The following SEMA3A variants were observed in gnomAD, a reference collection of about 807,000 sequenced individuals.
The protein encoded by SEMA3A is semaphorin-3A.
Under a neutral mutation model 97.9 loss-of-function variants are expected in SEMA3A, and 29 were observed. The observed-to-expected ratio is 0.30, with a 90% CI of 0.22 to 0.40. The LOEUF (loss-of-function observed/expected upper bound fraction) is 0.40, where lower values mean the gene tolerates loss of function less well. Among genes scored for constraint, SEMA3A ranks in the 10% least tolerant of loss-of-function variants. The probability of loss-of-function intolerance (pLI) is 1.00; values close to 1 mark genes in which losing one functional copy is unlikely to be tolerated. For synonymous variants in SEMA3A, 321 were observed against 323.7 expected (o/e 0.99, Z 0.09); for missense variants, 763 against 951.3 (o/e 0.80, Z 2.60).
intron 1 of SEMA3A, among the ~76,000 whole-genome samples, chr7:84,403,730 G>C (rs1006949572): frequency 1.3e-5 from 2 of 152,132 alleles, no homozygotes; most frequent in Admixed American, 6.5e-5. Context: ...AACATTTGCG[G>C]TTCACCAATA....
chr7:84,325,337 G>C (rs928346899), intron 2 of SEMA3A, among the ~76,000 whole-genome samples: 1 of 151,960 alleles, frequency 6.6e-6, no homozygotes, highest in East Asian at 1.9e-4. Context: ...AAATACTACC[G>C]AAGTGAGGCA....
Position 84,382,702 on chromosome 7 carries a change from CAAAAAAAAAAAA to C in SEMA3A, c.-245-10814_-245-10803del, listed in dbSNP as rs377120252. 3.8e-4 allele frequency among the ~76,000 whole-genome samples: 31 copies of C among 82,064 alleles called. 1 individual carries two copies. In the Admixed American group the frequency reaches 4.2e-3, roughly 11 times the overall value. The allele number at this position is 82,064 out of a possible 152,430, so 53.8% of individuals were successfully genotyped here. ...TGAAACCCTGTCTCTACTAAAAATC[CAAAAAAAAAAAA>C]AAAAAAAAAAAAAAATAGCCAGGCG... On this transcript the variant is annotated intron_variant, in intron 1 of 3. Transcript: ENST00000424555.
intron 1 of SEMA3A, among the ~76,000 whole-genome samples, chr7:84,439,122 T>C (rs1195885426): frequency 6.6e-6 from 1 of 151,884 alleles, no homozygotes; most frequent in African/African-American, 2.4e-5. Context: ...TAATACACAT[T>C]AACTACCTGT....
chr7:84,033,101 T>G (rs2116469162), intron 6 of SEMA3A, among the ~76,000 whole-genome samples: 1 of 152,278 alleles, frequency 6.6e-6, no homozygotes, highest in East Asian at 1.9e-4. Flanking sequence ...AACTATTTAT[T>G]ATTTAAAATA....
At chr7:84,096,313 A>G (rs935459787) in intron 4 of SEMA3A, among the ~76,000 whole-genome samples, 1 of 152,114 alleles carries the variant, frequency 6.6e-6, no homozygotes, top group Admixed American at 6.6e-5. Context: ...GATAGGAACT[A>G]GAGAAGCTGT....
intron 2 of SEMA3A, among the ~76,000 whole-genome samples, chr7:84,131,927 C>A (rs1795973887): frequency 1.3e-5 from 2 of 152,100 alleles, no homozygotes; most frequent in South Asian, 4.1e-4. Flanking sequence ...CTAGCTGTGA[C>A]TACAGGCATG....
chr7:84,468,977 T>A (rs1397050317), intron 1 of SEMA3A, among the ~76,000 whole-genome samples: 1 of 152,072 alleles, frequency 6.6e-6, no homozygotes, highest in Non-Finnish European at 1.5e-5. Flanking sequence ...TTATTTTATT[T>A]CAGGAAAAGT....
At chr7:84,030,872 T>A (rs903931898) in intron 6 of SEMA3A, among the ~76,000 whole-genome samples, 13 of 152,086 alleles carry the variant, frequency 8.5e-5, no homozygotes, top group Non-Finnish European at 8.8e-5. Flanking sequence ...TCATTTTAAA[T>A]ATTAAGTTAA....
At chr7:84,061,984 T>C (rs1372338566) in intron 4 of SEMA3A, among the ~76,000 whole-genome samples, 2 of 152,206 alleles carry the variant, frequency 1.3e-5, no homozygotes. Context: ...GCTCTGGTTC[T>C]CTGGTCACTG....
At chr7:84,321,872 GAAAAAAAAA>G (rs1156548285) in intron 2 of SEMA3A, among the ~76,000 whole-genome samples, 9 of 12,062 alleles carry the variant, frequency 7.5e-4, no homozygotes, top group Admixed American at 1.2e-3. Flanking sequence ...CGAGACTACG[GAAAAAAAAA>G]AAAAAAAAAA....
At chr7:83,962,717 T>C (rs957237233) in intron 16 of SEMA3A, among the ~76,000 whole-genome samples, 4 of 152,130 alleles carry the variant, frequency 2.6e-5, no homozygotes, top group Non-Finnish European at 1.5e-5. Flanking sequence ...CCTGCATCAA[T>C]AGTTGATATC....
At chr7:84,466,715 T>C (rs968484677) in intron 1 of SEMA3A, among the ~76,000 whole-genome samples, 5 of 152,190 alleles carry the variant, frequency 3.3e-5, no homozygotes, top group Non-Finnish European at 7.3e-5. Flanking sequence ...GCTGGAAGAT[T>C]AGATTGTACC....
At chr7:84,241,805 TA>T (rs1415441002) in intron 3 of SEMA3A, among the ~76,000 whole-genome samples, 1 of 152,158 alleles carries the variant, frequency 6.6e-6, no homozygotes, top group East Asian at 1.9e-4. Flanking sequence ...AATTTTTGTA[TA>T]AGGTGTAAGG....
chr7:84,084,298 G>C (rs1464887044), intron 4 of SEMA3A, among the ~76,000 whole-genome samples: 1 of 151,860 alleles, frequency 6.6e-6, no homozygotes, highest in Non-Finnish European at 1.5e-5. Flanking sequence ...TTTTTACTTA[G>C]TCTTTGAAAT....
chr7:84,004,086 A>G (rs892914383), intron 11 of SEMA3A, among the ~76,000 whole-genome samples: 1 of 152,096 alleles, frequency 6.6e-6, no homozygotes, highest in Admixed American at 6.6e-5. Context: ...CACTAAGGGA[A>G]AATAAATGTT....
rs77866693 is a variant in SEMA3A at position 84,119,921 on chromosome 7, G to T, written c.333+9202C>A. 9.5e-4 allele frequency among the ~76,000 whole-genome samples: 144 copies of T among 152,028 alleles called. 1 individual carries two copies. In the East Asian group the frequency reaches 0.022, roughly 23 times the overall value. ...GTACACTGATGCATGGATGAATTAT[G>T]GTGTCCAGTCAAATCTAAATAATAA... On this transcript the variant is annotated intron_variant, in intron 3 of 16. Coordinates refer to ENST00000265362, the MANE Select transcript of SEMA3A (RefSeq NM_006080.3).
intron 1 of SEMA3A, among the ~76,000 whole-genome samples, chr7:84,488,138 T>A (rs1296541744): frequency 6.6e-6 from 1 of 151,930 alleles, no homozygotes; most frequent in Non-Finnish European, 1.5e-5. Flanking sequence ...AAGATATAAG[T>A]TTTTTTGTCA....
intron 1 of SEMA3A, among the ~76,000 whole-genome samples, chr7:84,418,318 G>C (rs932676015): frequency 3.9e-5 from 6 of 152,252 alleles, no homozygotes; most frequent in African/African-American, 1.4e-4. Context: ...GACAAAAAGA[G>C]AGCATGTGCA....
At chr7:84,468,099 C>G (rs187493371) in intron 1 of SEMA3A, among the ~76,000 whole-genome samples, 2 of 152,114 alleles carry the variant, frequency 1.3e-5, no homozygotes, top group African/African-American at 4.8e-5. Context: ...TCTAGTCCAA[C>G]GAACTCATTG....
Sources: gnomAD v4.1 joint callset for allele counts (sites outside exome capture counted in the v4.1 genomes callset) on GRCh38, gnomAD v4.1.1 for gene constraint, MANE v1.5 for transcripts, NCBI Gene and HGNC (gene_info 2026-07-23, HGNC 2026-07-21) for gene names.